Variants in SLC9A9 observed in about 807,000 individuals in gnomAD.
SLC9A9 encodes sodium/hydrogen exchanger 9.
SLC9A9 carries 62 observed loss-of-function variants against 77.8 expected under a neutral mutation model. The ratio of observed to expected loss-of-function variants is 0.80; its 90% confidence interval spans 0.65 to 0.98. The LOEUF (loss-of-function observed/expected upper bound fraction) is 0.98, where lower values mean the gene tolerates loss of function less well. SLC9A9 is among the 50% of genes least tolerant of loss of function. The pLI, the probability that SLC9A9 is intolerant of heterozygous loss-of-function variation, is 0.00. For synonymous variants in SLC9A9, 320 were observed against 283.5 expected, an observed-to-expected ratio of 1.13 and a Z score of -1.29; for missense variants, 775 against 774.9, an observed-to-expected ratio of 1.00 and a Z score of 0.00.
At chr3:143,760,951 G>T (rs1406694745) in intron 4 of SLC9A9, among the ~76,000 whole-genome samples, 3 of 152,088 alleles carry the variant, frequency 2.0e-5, no homozygotes, top group Non-Finnish European at 4.4e-5. Context: ...ATACTACAAG[G>T]CTACAGTAAC....
At chr3:143,638,653 A>G (rs1358565232) in intron 6 of SLC9A9, among the ~76,000 whole-genome samples, 1 of 152,222 alleles carries the variant, frequency 6.6e-6, no homozygotes, top group Non-Finnish European at 1.5e-5. Flanking sequence ...CAATATTTTA[A>G]AGCTATTAAC....
chr3:143,799,224 C>T (rs1201805910), intron 2 of SLC9A9, among the ~76,000 whole-genome samples: 1 of 151,832 alleles, frequency 6.6e-6, no homozygotes, highest in Non-Finnish European at 1.5e-5. Flanking sequence ...TGGCAACAAC[C>T]CTTAGATGCT....
At chr3:143,310,191 C>T (rs1475077465) in intron 14 of SLC9A9, among the ~76,000 whole-genome samples, 1 of 152,124 alleles carries the variant, frequency 6.6e-6, no homozygotes, top group Non-Finnish European at 1.5e-5. Flanking sequence ...TGGGGCTCCC[C>T]TCATCATTCA....
intron 5 of SLC9A9, among the ~76,000 whole-genome samples, chr3:143,672,547 A>G (rs2039174714): frequency 6.6e-6 from 1 of 152,188 alleles, no homozygotes; most frequent in South Asian, 2.1e-4. Context: ...GAGTTCCACG[A>G]TGAATGAAAA....
intron 8 of SLC9A9, among the ~76,000 whole-genome samples, chr3:143,564,372 A>G (rs1429142123): frequency 6.6e-6 from 1 of 152,202 alleles, no homozygotes; most frequent in Non-Finnish European, 1.5e-5. Flanking sequence ...AGAATACTGC[A>G]TTTTTGGACA....
At chr3:143,600,462 A>G (rs1056337493) in intron 6 of SLC9A9, among the ~76,000 whole-genome samples, 3 of 152,216 alleles carry the variant, frequency 2.0e-5, no homozygotes, top group South Asian at 2.1e-4. Context: ...CAAGAATTCT[A>G]TAAGTGTGTG....
chr3:143,645,565 C>A (rs1424965811), intron 6 of SLC9A9, among the ~76,000 whole-genome samples: 1 of 152,174 alleles, frequency 6.6e-6, no homozygotes, highest in Admixed American at 6.5e-5. Flanking sequence ...CCCCTCAGTT[C>A]CACGGTTGCT....
chr3:143,693,295 A>G lies in SLC9A9; in HGVS notation c.546T>C (p.Tyr182=), dbSNP rs749881999. The G allele has an allele frequency of 3.1e-6, 5 of 1,612,656 alleles. No individual in the cohort carries two copies. The highest frequency in any genetic ancestry group is 1.6e-4 in the Middle Eastern group (1 of 6,074). ...ISCIVIGLIM[Y]GFVKAMIHAG... ...CATGTATCATAGCCTTCACAAAACCATACATAATTAACCTGTTGAAGAGAA... is the reference window on the plus strand; with the variant it reads ...CATGTATCATAGCCTTCACAAAACCGTACATAATTAACCTGTTGAAGAGAA... Residue 182 remains tyrosine, a synonymous_variant, in exon 5 of 16, where the codon TAT becomes TAC. Coordinates refer to ENST00000316549, the MANE Select transcript of SLC9A9 (RefSeq NM_173653.4).
At chr3:143,813,740 T>C (rs1387020165) in intron 2 of SLC9A9, among the ~76,000 whole-genome samples, 1 of 152,220 alleles carries the variant, frequency 6.6e-6, no homozygotes, top group Non-Finnish European at 1.5e-5. Flanking sequence ...GGCTACAACA[T>C]GAGGTAGGCA....
chr3:143,501,331 G>GT (rs1400753459), intron 9 of SLC9A9, among the ~76,000 whole-genome samples: 4 of 150,682 alleles, frequency 2.7e-5, no homozygotes, highest in Non-Finnish European at 5.9e-5. Flanking sequence ...GTATTAACAT[G>GT]TACATATCCA....
chr3:143,467,410 A>G (rs1303743711), intron 11 of SLC9A9, among the ~76,000 whole-genome samples: 2 of 152,212 alleles, frequency 1.3e-5, no homozygotes, highest in Non-Finnish European at 2.9e-5. Context: ...CTATAGCTCA[A>G]TATGTCAACC....
chr3:143,513,746 G>C (rs903604605), intron 9 of SLC9A9, among the ~76,000 whole-genome samples: 3 of 152,314 alleles, frequency 2.0e-5, no homozygotes, highest in Non-Finnish European at 4.4e-5. Context: ...TTGTTAGCAG[G>C]CATGAAAACA....
intron 5 of SLC9A9, among the ~76,000 whole-genome samples, chr3:143,664,889 G>A (rs1381237581): frequency 4.6e-5 from 7 of 152,190 alleles, no homozygotes; most frequent in African/African-American, 7.2e-5. Flanking sequence ...AATAATGGGA[G>A]ACTTTAATAC....
chr3:143,748,117 T>G (rs1483272720), intron 4 of SLC9A9, among the ~76,000 whole-genome samples: 1 of 152,206 alleles, frequency 6.6e-6, no homozygotes, highest in African/African-American at 2.4e-5. Flanking sequence ...AATTCCAAAT[T>G]GAACTAGCCT....
intron 5 of SLC9A9, among the ~76,000 whole-genome samples, chr3:143,683,539 G>A (rs1483931309): frequency 1.3e-5 from 2 of 152,056 alleles, no homozygotes; most frequent in Non-Finnish European, 2.9e-5. Context: ...AAGGCAAAGG[G>A]CAAAAATCGG....
At chr3:143,275,716 CTTGT>C (rs535444799) in intron 14 of SLC9A9, among the ~76,000 whole-genome samples, 331 of 152,000 alleles carry the variant, frequency 2.2e-3, no homozygotes, top group Middle Eastern at 0.02. Context: ...AGTCTCTTAA[CTTGT>C]TTGATGTAAT....
intron 12 of SLC9A9, among the ~76,000 whole-genome samples, chr3:143,452,058 T>C (rs890958359): frequency 6.6e-6 from 1 of 152,122 alleles, no homozygotes; most frequent in Non-Finnish European, 1.5e-5. Flanking sequence ...TGAATCATCC[T>C]AAATGTAATA....
chr3:143,431,502 C>G (rs1043923818), intron 12 of SLC9A9, among the ~76,000 whole-genome samples: 17 of 101,800 alleles, frequency 1.7e-4, no homozygotes, highest in East Asian at 2.8e-4. Context: ...TTTTTTTTTG[C>G]GATGGAGTCT....
chr3:143,792,440 C>G (rs931852651), intron 4 of SLC9A9, among the ~76,000 whole-genome samples: 4 of 152,142 alleles, frequency 2.6e-5, no homozygotes, highest in African/African-American at 7.2e-5. Flanking sequence ...CAATACTCTT[C>G]CCTCATTTTT....
Sources: allele counts gnomAD v4.1 joint callset (sites outside exome capture counted in the v4.1 genomes callset), GRCh38; gene constraint gnomAD v4.1.1; transcripts MANE v1.5; gene names NCBI Gene and HGNC (gene_info 2026-07-23, HGNC 2026-07-21).